Variants in TBCEL observed in about 807,000 individuals in gnomAD.
TBCEL encodes the protein tubulin-specific chaperone cofactor E-like protein.
TBCEL carries 15 observed loss-of-function variants against 44.2 expected under a neutral mutation model. That is an observed-to-expected ratio of 0.34 (90% confidence interval 0.23 to 0.52). The LOEUF (loss-of-function observed/expected upper bound fraction) is 0.52. Ranked by LOEUF, TBCEL falls within the 20% of genes least tolerant of loss-of-function variation. The pLI, the probability that TBCEL is intolerant of heterozygous loss-of-function variation, is 0.95. For synonymous variants in TBCEL, 171 were observed against 185.4 expected (o/e 0.92, Z 0.63); for missense variants, 319 against 506.3 (o/e 0.63, Z 3.55).
chr11:121,043,517 C>T (rs1178782191), intron 2 of TBCEL, among the ~76,000 whole-genome samples: 1 of 152,102 alleles, frequency 6.6e-6, no homozygotes, highest in Non-Finnish European at 1.5e-5. Flanking sequence ...AGAAGCTTTT[C>T]GGTGCTTGTT....
chr11:121,071,258 C>T (rs1276404300), intron 8 of TBCEL, among the ~76,000 whole-genome samples: 1 of 152,082 alleles, frequency 6.6e-6, no homozygotes, highest in African/African-American at 2.4e-5. Flanking sequence ...TTAGTGCTTA[C>T]CTAATACACA....
intron 2 of TBCEL, among the ~76,000 whole-genome samples, chr11:121,043,277 A>T (rs142517167): frequency 1.3e-5 from 2 of 152,316 alleles, no homozygotes; most frequent in East Asian, 3.9e-4. Flanking sequence ...TGTATAATAA[A>T]CTATGCCTGA....
intron 4 of TBCEL, among the ~76,000 whole-genome samples, chr11:121,050,860 G>A (rs1307828774): frequency 6.6e-6 from 1 of 151,586 alleles, no homozygotes; most frequent in Admixed American, 6.6e-5. Flanking sequence ...CCATGTTTCT[G>A]CACATGAGCA....
chr11:121,038,767 C>CA (rs1347057390), intron 2 of TBCEL, among the ~76,000 whole-genome samples: 14 of 152,070 alleles, frequency 9.2e-5, no homozygotes, highest in Non-Finnish European at 1.8e-4. Flanking sequence ...AAAAAAAGAA[C>CA]AACTCTTTCT....
Position 121,045,829 on chromosome 11 carries a change from A to C in TBCEL, c.133+6A>C. The C allele has an allele frequency of 3.2e-6, 5 of 1,576,486 alleles. No individual in the cohort carries two copies. The highest frequency in any genetic ancestry group is 4.3e-6 in the Non-Finnish European group (5 of 1,167,764). On this transcript the variant is annotated splice_donor_region_variant and intron_variant, in intron 3 of 8. Transcript: ENST00000683345. ...TCAGGGCTCTCCTATGAAAGGTAAG[A>C]AAGATGGGACCTAAAACACTTATTT...
intron 1 of TBCEL, among the ~76,000 whole-genome samples, chr11:121,031,825 C>T (rs1945151504): frequency 6.6e-6 from 1 of 151,616 alleles, no homozygotes; most frequent in Non-Finnish European, 1.5e-5. Flanking sequence ...CCACCATGCC[C>T]GACTGATTTT....
chr11:121,033,179 G>A (rs571517279), intron 1 of TBCEL, among the ~76,000 whole-genome samples: 97 of 152,096 alleles, frequency 6.4e-4, no homozygotes, highest in South Asian at 1.9e-3. Flanking sequence ...GTTATTCATA[G>A]GTAAATTGAA....
intron 2 of TBCEL, among the ~76,000 whole-genome samples, chr11:121,042,222 T>A (rs932991137): frequency 1.8e-4 from 27 of 152,194 alleles, no homozygotes; most frequent in African/African-American, 5.8e-4. Flanking sequence ...TCTTTTGAAC[T>A]GCTGATTGTA....
At chr11:121,084,943 T>A (rs79222818) in intron 8 of TBCEL, among the ~76,000 whole-genome samples, 1,987 of 151,834 alleles carry the variant, frequency 0.013, 25 homozygotes, top group Non-Finnish European at 0.021. Flanking sequence ...TTGTTTTGTT[T>A]TATTTGCCTT....
chr11:121,040,081 G>A (rs1157216333), intron 2 of TBCEL, among the ~76,000 whole-genome samples: 1 of 152,100 alleles, frequency 6.6e-6, no homozygotes, highest in Non-Finnish European at 1.5e-5. Context: ...TTTTTCAAAA[G>A]CACAAATCAG....
intron 8 of TBCEL, among the ~76,000 whole-genome samples, chr11:121,077,583 T>G (rs907968946): frequency 2.6e-5 from 4 of 152,114 alleles, no homozygotes; most frequent in African/African-American, 7.2e-5. Flanking sequence ...TCGGGTGTTA[T>G]GAGTTTTCTC....
At chr11:121,082,794 G>A (rs1447895374) in intron 8 of TBCEL, among the ~76,000 whole-genome samples, 1 of 152,186 alleles carries the variant, frequency 6.6e-6, no homozygotes, top group African/African-American at 2.4e-5. Flanking sequence ...CCATGGAACT[G>A]GCCCACCAAG....
intron 1 of TBCEL, among the ~76,000 whole-genome samples, chr11:121,032,487 TTC>T (rs1945163183): frequency 6.6e-6 from 1 of 152,238 alleles, no homozygotes; most frequent in Non-Finnish European, 1.5e-5. Flanking sequence ...TTATATTAGT[TTC>T]TGTTTAAAGA....
rs1428302069 is a variant in TBCEL, at chr11:121,090,767, G to A, written c.*3671G>A. The A allele has an allele frequency of 2.0e-5, 3 of 151,144 alleles. No homozygotes were observed. The highest frequency in any genetic ancestry group is 4.4e-5 in the Non-Finnish European group (3 of 67,828). 9.4% of individuals were successfully genotyped at this position (151,144 alleles called of 1,614,324 possible). The stretch of plus-strand genomic sequence containing the variant: ...AATCTTTAAAAAAATTAAAATTCAA[G>A]TCCATTTTATCTTTGTGTTCTGATT... On this transcript the variant is annotated 3_prime_UTR_variant, in exon 9 of 9. Coordinates refer to ENST00000683345, the MANE Select transcript of TBCEL (RefSeq NM_001363644.2).
chr11:121,053,801 G>A (rs763138856), intron 5 of TBCEL, 69 bp downstream of exon 5: 5 of 1,472,418 alleles, frequency 3.4e-6, no homozygotes, highest in Non-Finnish European at 3.7e-6. Context: ...GAGTACTGCT[G>A]ATCTCCCACG....
rs527694694 is a variant in TBCEL at position 121,053,656 on chromosome 11, G to A, written c.379G>A (p.Gly127Arg). 1.1e-5 allele frequency: 18 copies of A among 1,612,300 alleles called. No homozygotes were observed. Among genetic ancestry groups the A allele is most frequent in the East Asian group, 2.2e-5 (1 of 44,824 alleles). ...LERTCAGSFS[G>R]VRKLVLNNSK... Reference sequence around the variant, plus strand: ...AAGAACATGTGCTGGGTCCTTCTCTGGGGTTCGCAAACTTGTCCTCAACAA... The same window carrying A: ...AAGAACATGTGCTGGGTCCTTCTCTAGGGTTCGCAAACTTGTCCTCAACAA... Residue 127 changes from glycine (G) to arginine (R), a missense_variant, in exon 5 of 9, where the codon GGG (glycine) becomes AGG (arginine). By Grantham distance (125) the Gly-to-Arg change is moderately radical. Coordinates refer to ENST00000683345, the MANE Select transcript of TBCEL (RefSeq NM_001363644.2).
intron 8 of TBCEL, among the ~76,000 whole-genome samples, chr11:121,074,275 A>C (rs1192890960): frequency 6.6e-6 from 1 of 152,184 alleles, no homozygotes; most frequent in South Asian, 2.1e-4. Flanking sequence ...TTGTATCCTT[A>C]GTAGCTAATC....
At chr11:121,044,038 A>G (rs1945383440) in intron 2 of TBCEL, among the ~76,000 whole-genome samples, 1 of 152,102 alleles carries the variant, frequency 6.6e-6, no homozygotes, top group Non-Finnish European at 1.5e-5. Context: ...GGTCACCTGA[A>G]CTAGAAACCC....
intron 8 of TBCEL, among the ~76,000 whole-genome samples, chr11:121,060,587 C>T (rs1271701778): frequency 6.6e-6 from 1 of 151,720 alleles, no homozygotes; most frequent in African/African-American, 2.4e-5. Flanking sequence ...AAGAGAAATG[C>T]TGAGGGCTAA....
Sources: gnomAD v4.1 joint callset for allele counts (sites outside exome capture counted in the v4.1 genomes callset) on GRCh38, gnomAD v4.1.1 for gene constraint, MANE v1.5 for transcripts, NCBI Gene and HGNC (gene_info 2026-07-23, HGNC 2026-07-21) for gene names.